The following PWP1 variants were observed in gnomAD, a reference collection of about 807,000 sequenced individuals.
The protein encoded by PWP1 is PWP1 homolog, endonuclein, also known as periodic tryptophan protein 1 homolog.
A neutral mutation model predicts 69.9 loss-of-function variants in PWP1; 47 were observed. The observed-to-expected ratio is 0.67, with a 90% CI of 0.53 to 0.86. The LOEUF (loss-of-function observed/expected upper bound fraction) is 0.86, where lower values mean the gene tolerates loss of function less well. Among genes scored for constraint, PWP1 ranks in the 40% least tolerant of loss-of-function variants. PWP1 has a pLI of 0.00. For synonymous variants in PWP1, 222 were observed against 208.2 expected (o/e 1.07, Z -0.57); for missense variants, 551 against 608.8 (o/e 0.91, Z 1.00).
At chr12:107,690,309 G>C (rs907331525) in intron 3 of PWP1, among the ~76,000 whole-genome samples, 2 of 152,152 alleles carry the variant, frequency 1.3e-5, no homozygotes, top group African/African-American at 4.8e-5. Context: ...AAGCCCAGGA[G>C]TTCAAGGCTG....
At position 107,688,437 on chromosome 12, in the gene PWP1, C is replaced by T; in HGVS notation, c.73-11C>T. Reference sequence around the variant, plus strand: ...TACACATATTGTAATGAAATCTTTGCTCTCTTACAGGTAGAGCTGAGTAAA... The same window carrying T: ...TACACATATTGTAATGAAATCTTTGTTCTCTTACAGGTAGAGCTGAGTAAA... On this transcript the variant is annotated splice_polypyrimidine_tract_variant and intron_variant, in intron 1 of 14. Transcript: ENST00000412830. 3 of 1,597,490 alleles carry T rather than the reference C, an allele frequency of 1.9e-6. No homozygotes were observed. Among genetic ancestry groups the T allele is most frequent in the Non-Finnish European group, 2.6e-6 (3 of 1,175,186 alleles).
chr12:107,703,879 T>C, intron 10 of PWP1, 133 bp downstream of exon 10: 1 of 775,858 alleles, frequency 1.3e-6, no homozygotes, highest in Non-Finnish European at 2.1e-6. Context: ...GCACTACTTA[T>C]TTTTCCTTTT....
chr12:107,699,074 C>T (rs985958040), intron 7 of PWP1, among the ~76,000 whole-genome samples: 3 of 152,256 alleles, frequency 2.0e-5, no homozygotes, highest in East Asian at 1.9e-4. Context: ...CCCTGGCCAA[C>T]GTGGCAAAAC....
chr12:107,709,445 A>C (rs915754278), intron 13 of PWP1, among the ~76,000 whole-genome samples: 1 of 151,644 alleles, frequency 6.6e-6, no homozygotes, highest in African/African-American at 2.4e-5. Flanking sequence ...TTTCCAACTC[A>C]CATGATTAAC....
intron 11 of PWP1, among the ~76,000 whole-genome samples, chr12:107,705,086 C>T (rs1286082575): frequency 2.0e-5 from 3 of 151,880 alleles, no homozygotes; most frequent in African/African-American, 4.8e-5. Context: ...AGATGATATT[C>T]TTTTCTTTAA....
At chr12:107,704,801 A>T (rs1425982884) in intron 11 of PWP1, 54 bp downstream of exon 11, 3 of 1,399,822 alleles carry the variant, frequency 2.1e-6, no homozygotes, top group African/African-American at 1.4e-5. Context: ...TGACTTTTTA[A>T]ATTCCATAGT....
At position 107,710,818 on chromosome 12, in the gene PWP1, T is replaced by A. The variant is rs559288529; in HGVS notation, c.1396+308T>A. 9.8e-5 allele frequency among the ~76,000 whole-genome samples: 15 copies of A among 152,334 alleles called. No homozygotes were observed. In the East Asian group the frequency reaches 2.9e-3, roughly 29 times the overall value. On this transcript the variant is annotated intron_variant, in intron 14 of 14. Transcript: ENST00000412830. ...CATCAGGAAGATAGCAAAAGTAGTGTAGTCTTTTTAGGAAAGAGACAAGAT... is the reference window on the plus strand; with the variant it reads ...CATCAGGAAGATAGCAAAAGTAGTGAAGTCTTTTTAGGAAAGAGACAAGAT...
At position 107,703,147 on chromosome 12, in the gene PWP1, T is replaced by A. The variant is rs562509373; in HGVS notation, c.903+116T>A. On this transcript the variant is annotated intron_variant, in intron 9 of 14. Coordinates refer to ENST00000412830, the MANE Select transcript of PWP1 (RefSeq NM_007062.3). ...AAATAATTTTATCTGGCTTGCGGCA[T>A]GCTTTCACATGTTATCTCTTAGGAT... The A allele has an allele frequency of 3.7e-5, 27 of 729,292 alleles. No individual in the cohort carries two copies. In the East Asian group the frequency reaches 7.1e-4, roughly 19 times the overall value. 45.2% of individuals were successfully genotyped at this position (729,292 alleles called of 1,614,324 possible).
At chr12:107,696,048 T>TTG (rs1889578701) in intron 5 of PWP1, among the ~76,000 whole-genome samples, 1 of 150,228 alleles carries the variant, frequency 6.7e-6, no homozygotes, top group African/African-American at 2.5e-5. Flanking sequence ...TTTTTTTTTT[T>TTG]TTGAGATAGA....
rs758297068 is a variant in PWP1 at position 107,685,935 on chromosome 12, G to C, written c.36G>C (p.Trp12Cys). 6.2e-7 allele frequency: 1 copy of C among 1,613,956 alleles called. No individual in the cohort carries two copies. Among genetic ancestry groups the C allele is most frequent in the Non-Finnish European group, 8.5e-7 (1 of 1,179,986 alleles). ...NRSRQVTCVA[W>C]VRCGVAKETP... ...GCCGCCAGGTGACGTGCGTGGCCTG[G>C]GTCCGCTGCGGCGTGGCCAAAGAGA... is the stretch of plus-strand genomic sequence containing the variant. The change falls in exon 1 of 15, where the codon TGG becomes TGC. Residue 12 changes from tryptophan (W) to cysteine (C), a missense_variant. Coordinates refer to ENST00000412830, the MANE Select transcript of PWP1 (RefSeq NM_007062.3).
At chr12:107,706,540 A>T (rs184381786) in intron 11 of PWP1, among the ~76,000 whole-genome samples, 1,932 of 152,232 alleles carry the variant, frequency 0.013, 44 homozygotes, top group African/African-American at 0.044. Context: ...CTAACATTTA[A>T]TTTAAGTCTT....
chr12:107,703,824 C>T, intron 10 of PWP1, 78 bp downstream of exon 10: 1 of 1,372,454 alleles, frequency 7.3e-7, no homozygotes, highest in African/African-American at 1.4e-5. Flanking sequence ...ACTTGGTACC[C>T]AGGCAGAATG....
chr12:107,707,357 C>T (rs1310200441), intron 11 of PWP1, among the ~76,000 whole-genome samples: 2 of 152,146 alleles, frequency 1.3e-5, no homozygotes, highest in South Asian at 2.1e-4. Flanking sequence ...GACAATTTGA[C>T]TTCCTCTTTT....
chr12:107,696,697 G>C, intron 6 of PWP1, 113 bp downstream of exon 6: 1 of 1,479,938 alleles, frequency 6.8e-7, no homozygotes, highest in Non-Finnish European at 9.1e-7. Flanking sequence ...GATATTTTCT[G>C]AAGTTACTGT....
chr12:107,688,768 C>G lies in PWP1; in HGVS notation c.285C>G (p.Tyr95Ter). 6.2e-7 allele frequency: 1 copy of G among 1,614,030 alleles called. No homozygotes were observed. Among genetic ancestry groups the G allele is most frequent in the African/African-American group, 1.3e-5 (1 of 75,004 alleles). The change falls in exon 3 of 15, where the codon TAC becomes TAG. Residue 95 changes from tyrosine (Y) to a stop codon, truncating the protein, a stop_gained. Transcript: ENST00000412830. LOFTEE classifies it high-confidence loss of function. ...TTGATGATGATGAGCTGGCTGAGTA[C>G]GACTTAGATAAATATGATGAGGAAG... ...RTLDDDELAE[Y>*]DLDKYDEEGD...
chr12:107,690,941 T>C (rs919816915), intron 3 of PWP1, among the ~76,000 whole-genome samples: 4 of 152,054 alleles, frequency 2.6e-5, no homozygotes, highest in African/African-American at 7.2e-5. Context: ...GTGGAAAGAA[T>C]AGGACATGAG....
In PWP1 at chr12:107,696,565, T is replaced by C; in HGVS notation, c.594T>C (p.Pro198=). Residue 198 remains proline (P), a synonymous_variant, in exon 6 of 15, where the codon CCT becomes CCC. Coordinates refer to ENST00000412830, the MANE Select transcript of PWP1 (RefSeq NM_007062.3). ...GTGTGGAATGGCTGAATTTTGATCC[T>C]AGCCCAGATGATTCTACTGGTAATT... ...PLSVEWLNFD[P]SPDDSTGNYI... 6.2e-7 allele frequency: 1 copy of C among 1,614,192 alleles called. No individual in the cohort carries two copies. Among genetic ancestry groups the C allele is most frequent in the Non-Finnish European group, 8.5e-7 (1 of 1,180,006 alleles).
Position 107,696,469 on chromosome 12 carries a change from T to C in PWP1, c.503-5T>C, listed in dbSNP as rs752414887. On this transcript the variant is annotated splice_region_variant and splice_polypyrimidine_tract_variant and intron_variant, in intron 5 of 14. Transcript: ENST00000412830. ...CATTAAAGTCTCTTTTCCCAATCTT[T>C]TCAGTTTATAATCAAGAAGAAGACT... 4 of 1,610,932 alleles carry C rather than the reference T, an allele frequency of 2.5e-6. No homozygotes were observed. In the Admixed American group the frequency reaches 6.8e-5, roughly 27 times the overall value.
At position 107,712,230 on chromosome 12, in the gene PWP1, T is replaced by C. The variant is rs191494454; in HGVS notation, c.*10T>C. 1.2e-5 allele frequency: 19 copies of C among 1,596,718 alleles called. No homozygotes were observed. In the Admixed American group the frequency reaches 3.0e-4, roughly 25 times the overall value. ...ACCCATGGAGTCTTAATGAAGATCATCTAATTTCCTGCTTACCTTAACTGG... is the reference window on the plus strand; with the variant it reads ...ACCCATGGAGTCTTAATGAAGATCACCTAATTTCCTGCTTACCTTAACTGG... On this transcript the variant is annotated 3_prime_UTR_variant, in exon 15 of 15. Coordinates refer to ENST00000412830, the MANE Select transcript of PWP1 (RefSeq NM_007062.3).
Sources: gnomAD v4.1 joint callset for allele counts (sites outside exome capture counted in the v4.1 genomes callset) on GRCh38, gnomAD v4.1.1 for gene constraint, MANE v1.5 for transcripts, NCBI Gene and HGNC (gene_info 2026-07-23, HGNC 2026-07-21) for gene names.